IRAG2: variants seen among roughly 807,000 people sequenced by gnomAD.
IRAG2 encodes lymphoid restricted membrane protein.
A neutral mutation model predicts 69.9 loss-of-function variants in IRAG2; 45 were observed. The ratio of observed to expected loss-of-function variants is 0.64; its 90% CI spans 0.51 to 0.83. The LOEUF is 0.83. Ranked by LOEUF, IRAG2 falls within the 40% of genes least tolerant of loss-of-function variation. IRAG2 has a pLI of 0.00. For synonymous variants in IRAG2, 193 were observed against 202.4 expected (o/e 0.95, Z 0.40); for missense variants, 520 against 587.0 (o/e 0.89, Z 1.18).
At chr12:25,015,489 A>G (rs1944520204) in intron 5 of IRAG2, 7 of 1,034,568 alleles carry the variant, frequency 6.8e-6, no homozygotes, top group Middle Eastern at 3.5e-4. Flanking sequence ...TTTATTTCAT[A>G]AATCTACGTA....
intron 9 of IRAG2, 59 bp downstream of exon 9, chr12:25,079,822 A>T: frequency 1.9e-6 from 2 of 1,049,206 alleles, no homozygotes; most frequent in South Asian, 2.6e-5. Context: ...CAAGTCTATA[A>T]GCTAGTGAAG....
intron 3 of IRAG2, among the ~76,000 whole-genome samples, chr12:25,012,993 A>T (rs945518005): frequency 1.3e-5 from 2 of 152,244 alleles, no homozygotes; most frequent in African/African-American, 4.8e-5. Context: ...TAGTGTAATC[A>T]AAAACTGCAA....
At chr12:25,106,784 G>A (rs1016616548) in intron 20 of IRAG2, among the ~76,000 whole-genome samples, 159 bp from the exon 21 acceptor site, 1 of 151,566 alleles carries the variant, frequency 6.6e-6, no homozygotes, top group Non-Finnish European at 1.5e-5. Context: ...TTATAAATCT[G>A]GTGATTTGAT....
intron 12 of IRAG2, among the ~76,000 whole-genome samples, chr12:25,032,889 T>A (rs1435976306): frequency 6.6e-6 from 1 of 152,124 alleles, no homozygotes; most frequent in Admixed American, 6.6e-5. Flanking sequence ...CAAACAAACA[T>A]TCAGTCCATT....
At chr12:25,023,535 C>T (rs568111239) in intron 7 of IRAG2, among the ~76,000 whole-genome samples, 2 of 152,116 alleles carry the variant, frequency 1.3e-5, no homozygotes, top group Non-Finnish European at 2.9e-5. Context: ...TCTGTGATTT[C>T]AAGGTGCTAT....
At chr12:25,005,386 G>T (rs187892684) in intron 2 of IRAG2, 49 of 955,438 alleles carry the variant, frequency 5.1e-5, no homozygotes, top group Non-Finnish European at 6.2e-5. Flanking sequence ...TAAACATTTG[G>T]TAGGACTGTC....
intron 7 of IRAG2, among the ~76,000 whole-genome samples, chr12:25,021,539 T>G (rs1389829594): frequency 6.6e-6 from 1 of 150,970 alleles, no homozygotes; most frequent in Non-Finnish European, 1.5e-5. Flanking sequence ...GGCTTATAAT[T>G]TCAGAGCAAA....
At chr12:25,022,789 A>T (rs1401112436) in intron 7 of IRAG2, among the ~76,000 whole-genome samples, 1 of 152,274 alleles carries the variant, frequency 6.6e-6, no homozygotes, top group Non-Finnish European at 1.5e-5. Context: ...CATGTTATAC[A>T]TGGTAAAAGC....
intron 16 of IRAG2, among the ~76,000 whole-genome samples, chr12:25,046,634 A>G (rs556085327): frequency 4.6e-5 from 7 of 152,238 alleles, no homozygotes; most frequent in African/African-American, 1.4e-4. Flanking sequence ...GAGGTAAAAA[A>G]CATATAATAA....
chr12:25,089,790 G>A lies in IRAG2; in HGVS notation c.465G>A (p.Glu155=), dbSNP rs780344569. ...ENTSANEKEV[E]AEFLRLSLGF... ...CTTCTGCTAATGAGAAGGAGGTGGA[G>A]GTGAGTTTAAAGCAAATTTTTTTTC... is the stretch of plus-strand genomic sequence containing the variant. Residue 155 remains glutamate (E), a splice_region_variant and synonymous_variant, in exon 13 of 22, where the codon GAG becomes GAA. Coordinates refer to ENST00000556887, the MANE Select transcript of IRAG2 (RefSeq NM_001366544.2). The A allele has an allele frequency of 6.2e-7, 1 of 1,613,026 alleles. No homozygotes were observed. Among genetic ancestry groups the A allele is most frequent in the Non-Finnish European group, 8.5e-7 (1 of 1,179,944 alleles).
chr12:25,104,778 G>A (rs1948940431), intron 20 of IRAG2, among the ~76,000 whole-genome samples: 1 of 152,102 alleles, frequency 6.6e-6, no homozygotes, highest in African/African-American at 2.4e-5. Context: ...AAGAGCCACA[G>A]AAGTAAAATG....
chr12:25,101,972 AG>A, intron 16 of IRAG2: 1 of 674,576 alleles, frequency 1.5e-6, no homozygotes, highest in South Asian at 1.5e-5. Context: ...TGTGCTAGCT[AG>A]GCATTATGGA....
upstream of IRAG2, among the ~76,000 whole-genome samples, chr12:25,049,906 C>A (rs1222178069): frequency 1.5e-5 from 2 of 136,284 alleles, no homozygotes; most frequent in Non-Finnish European, 3.1e-5. Flanking sequence ...TGGTGGGAAC[C>A]CGGGAGGCGG....
rs11047754 is a variant in IRAG2 at position 25,015,160 on chromosome 12, T to G, written c.897-22T>G. On this transcript the variant is annotated intron_variant, in intron 3 of 38. Transcript: ENST00000636465. ...AATCCTAGCTCACTGGTTTTGTTTT[T>G]TTTTTTTTTTTTTGGCTACAGGGAA... 3.5e-3 allele frequency: 3,954 copies of G among 1,114,700 alleles called. 3 individuals are homozygous for G. The highest frequency in any genetic ancestry group is 0.011 in the African/African-American group (631 of 54,942). The allele number at this position is 1,114,700 out of a possible 1,614,324, so 69.1% of individuals were successfully genotyped here. A position where few individuals can be genotyped will look rare whatever the true frequency, so the allele number is the denominator to read the frequency against.
At chr12:25,061,197 T>A (rs12228264) in intron 1 of IRAG2, among the ~76,000 whole-genome samples, 28,810 of 152,168 alleles carry the variant, frequency 0.19, 2,842 homozygotes, top group African/African-American at 0.21. Flanking sequence ...TTAAAAGTTT[T>A]TGAAGCAATG....
At chr12:25,075,138 GC>G (rs1302711601) in intron 6 of IRAG2, among the ~76,000 whole-genome samples, 15 of 152,170 alleles carry the variant, frequency 9.9e-5, no homozygotes, top group Non-Finnish European at 2.9e-5. Flanking sequence ...AGCAAATTTA[GC>G]TTTGTTTAGG....
In IRAG2 at chr12:25,104,395, C is replaced by A. The variant is rs114001476; in HGVS notation, c.1081C>A (p.Pro361Thr). The change falls in exon 20 of 22, where the codon CCC becomes ACC. Residue 361 changes from proline to threonine, a missense_variant. Physicochemically the swap from Pro to Thr is conservative, Grantham distance 38. Coordinates refer to ENST00000556887, the MANE Select transcript of IRAG2 (RefSeq NM_001366544.2). ...ILGSKQSEHRPSLPRFISTYS... is the reference protein window; with the variant it reads ...ILGSKQSEHRTSLPRFISTYS... ...GGGGTCAAAGCAGAGTGAACACCGTCCCTCATTACCTCGATTTATTAGCAC... is the reference window on the plus strand; with the variant it reads ...GGGGTCAAAGCAGAGTGAACACCGTACCTCATTACCTCGATTTATTAGCAC... The A allele has an allele frequency of 1.4e-4, 232 of 1,613,260 alleles. 2 individuals carry two copies. In the African/African-American group the frequency reaches 2.7e-3, roughly 19 times the overall value.
intron 13 of IRAG2, among the ~76,000 whole-genome samples, chr12:25,034,622 G>A (rs1266665215): frequency 6.6e-6 from 1 of 152,102 alleles, no homozygotes; most frequent in Non-Finnish European, 1.5e-5. Flanking sequence ...CCAGTTTTGT[G>A]CTTGTTATGC....
At chr12:25,102,023 A>G (rs1948780675) in intron 16 of IRAG2, 175 bp from the exon 17 acceptor site, 1 of 697,076 alleles carries the variant, frequency 1.4e-6, no homozygotes, top group South Asian at 1.5e-5. Context: ...ATTGGTTAAG[A>G]TGGTAATTGT....
Sources: allele counts gnomAD v4.1 joint callset (sites outside exome capture counted in the v4.1 genomes callset), GRCh38; gene constraint gnomAD v4.1.1; transcripts MANE v1.5; gene names NCBI Gene and HGNC (gene_info 2026-07-23, HGNC 2026-07-21).